MCPH1: variants seen among roughly 807,000 people sequenced by gnomAD.
The protein encoded by MCPH1 is microcephalin 1, also known as microcephalin.
Under a neutral mutation model 84.5 loss-of-function variants are expected in MCPH1, and 104 were observed. The ratio of observed to expected loss-of-function variants is 1.23; its 90% CI spans 1.05 to 1.45. The LOEUF (loss-of-function observed/expected upper bound fraction) is 1.45. MCPH1 is among the 40% of genes most tolerant of loss of function. The probability of loss-of-function intolerance (pLI) is 0.00; values close to 1 mark genes in which losing one functional copy is unlikely to be tolerated. For missense variants in MCPH1, 1,498 were observed against 1,005.7 expected, an observed-to-expected ratio of 1.49 and a Z score of -6.62; for synonymous variants, 514 against 366.8, an observed-to-expected ratio of 1.40 and a Z score of -4.58.
At chr8:6,509,469 GC>G (rs1288471218) in intron 12 of MCPH1, among the ~76,000 whole-genome samples, 1 of 152,180 alleles carries the variant, frequency 6.6e-6, no homozygotes, top group Non-Finnish European at 1.5e-5. Context: ...TCCGCAGGGG[GC>G]CCCGGGGGGG....
intron 11 of MCPH1, among the ~76,000 whole-genome samples, chr8:6,484,927 T>C (rs963997694): frequency 4.6e-5 from 7 of 152,258 alleles, no homozygotes; most frequent in African/African-American, 7.2e-5. Flanking sequence ...GGAATTGTGC[T>C]GTGTTGTTAG....
intron 9 of MCPH1, chr8:6,474,428 A>G (rs981089378): frequency 4.4e-6 from 1 of 226,978 alleles, no homozygotes; most frequent in South Asian, 8.8e-5. Context: ...AATACTACTA[A>G]GACTTTAACA....
chr8:6,478,195 C>T (rs1003937939), intron 10 of MCPH1, among the ~76,000 whole-genome samples: 1 of 152,172 alleles, frequency 6.6e-6, no homozygotes, highest in African/African-American at 2.4e-5. Flanking sequence ...TTTAAGACAT[C>T]CATCAAAACA....
Position 6,431,544 on chromosome 8 carries a change from A to C in MCPH1, c.279A>C (p.Ala93=). The change falls in exon 4 of 14, where the codon GCA becomes GCC. Residue 93 remains alanine (A), a synonymous_variant. Coordinates refer to ENST00000344683, the MANE Select transcript of MCPH1 (RefSeq NM_024596.5). ...GAHIDESLFP[A]ANMNEHLSSL... is the part of the protein sequence containing the mutation. ...ACATTGATGAATCATTGTTCCCTGC[A>C]GCTAATATGAATGAACACTTATCAA... The C allele has an allele frequency of 6.2e-7, 1 of 1,613,686 alleles. No individual in the cohort carries two copies. Among genetic ancestry groups the C allele is most frequent in the African/African-American group, 1.3e-5 (1 of 75,038 alleles).
At chr8:6,589,737 G>A (rs766878253) in intron 12 of MCPH1, among the ~76,000 whole-genome samples, 5 of 152,176 alleles carry the variant, frequency 3.3e-5, no homozygotes, top group Non-Finnish European at 7.3e-5. Flanking sequence ...CATGACACGT[G>A]CTGCAACCAA....
At chr8:6,450,204 C>T (rs1804939499) in intron 8 of MCPH1, among the ~76,000 whole-genome samples, 1 of 152,108 alleles carries the variant, frequency 6.6e-6, no homozygotes, top group Admixed American at 6.5e-5. Flanking sequence ...TACTCTTCTA[C>T]CTTCTATCTA....
At chr8:6,508,553 C>G (rs1814264084) in intron 12 of MCPH1, 1 of 342,718 alleles carries the variant, frequency 2.9e-6, no homozygotes, top group Non-Finnish European at 5.2e-6. Flanking sequence ...TTTCTATAAT[C>G]TATATTACTG....
At chr8:6,528,847 A>G (rs1007872394) in intron 12 of MCPH1, among the ~76,000 whole-genome samples, 1 of 152,202 alleles carries the variant, frequency 6.6e-6, no homozygotes, top group Non-Finnish European at 1.5e-5. Context: ...GGTTTCAGGG[A>G]TGGTCTTATC....
chr8:6,595,500 C>T (rs2922855), intron 12 of MCPH1, among the ~76,000 whole-genome samples: 53,220 of 152,100 alleles, frequency 0.35, 9,581 homozygotes, highest in East Asian at 0.5. Context: ...GCCTGATGGA[C>T]GGCTGAGCCA....
intron 3 of MCPH1, among the ~76,000 whole-genome samples, chr8:6,430,800 A>G (rs1801730145): frequency 6.6e-6 from 1 of 152,190 alleles, no homozygotes; most frequent in East Asian, 1.9e-4. Context: ...GAAATTTAAG[A>G]TTAATATTTC....
At chr8:6,508,562 T>TG (rs1814266110) in intron 12 of MCPH1, 1 of 398,928 alleles carries the variant, frequency 2.5e-6, no homozygotes, top group Non-Finnish European at 4.4e-6. Context: ...TCTATATTAC[T>TG]GTTGTGGTTG....
rs750937838 is a variant in MCPH1, at chr8:6,436,090, G to A, written c.364G>A (p.Glu122Lys). The change falls in exon 5 of 14, where the codon GAA becomes AAA. Residue 122 changes from glutamate to lysine, a missense_variant. Transcript: ENST00000344683. The part of the protein sequence containing the change: ...QPKDFNFKTP[E>K]NDKRFQKKFE... ...CAAAGATTTTAATTTTAAAACACCA[G>A]AAAATGATAAGAGATTTCAGAAGAA... 10 of 1,613,600 alleles carry A rather than the reference G, an allele frequency of 6.2e-6. No individual in the cohort carries two copies. In the South Asian group the frequency reaches 8.8e-5, roughly 14 times the overall value.
intron 12 of MCPH1, among the ~76,000 whole-genome samples, chr8:6,525,839 C>G (rs1161275803): frequency 1.3e-5 from 2 of 152,068 alleles, no homozygotes; most frequent in Non-Finnish European, 2.9e-5. Context: ...CTTATTCTTC[C>G]TACAGGCATA....
chr8:6,477,301 C>G, intron 9 of MCPH1: 1 of 392,696 alleles, frequency 2.5e-6, no homozygotes, highest in Non-Finnish European at 4.6e-6. Flanking sequence ...CGTTGACACA[C>G]TTGGAGGTCT....
chr8:6,592,295 G>A (rs1167813599), intron 12 of MCPH1, among the ~76,000 whole-genome samples: 2 of 151,956 alleles, frequency 1.3e-5, no homozygotes, highest in African/African-American at 2.4e-5. Context: ...GGGACTACAC[G>A]TGCGTGCCAC....
At chr8:6,579,944 G>A (rs895589526) in intron 12 of MCPH1, among the ~76,000 whole-genome samples, 5 of 152,114 alleles carry the variant, frequency 3.3e-5, no homozygotes, top group Admixed American at 6.5e-5. Flanking sequence ...GGGCCAGGAC[G>A]CTGCCACCAA....
Position 6,444,410 on chromosome 8 carries a change from G to A in MCPH1, c.688G>A (p.Gly230Ser). 6.2e-7 allele frequency: 1 copy of A among 1,614,094 alleles called. No homozygotes were observed. Among genetic ancestry groups the A allele is most frequent in the Non-Finnish European group, 8.5e-7 (1 of 1,180,016 alleles). ...TTTTCCAGATGAATACTTTGCTGGT[G>A]GCTTACACTCATCTTTTGATGATCT... The part of the protein sequence containing the change: ...TLCSDEYFAG[G>S]LHSSFDDLCG... Residue 230 changes from glycine (G) to serine (S), a missense_variant, in exon 8 of 14, where the codon GGC (glycine) becomes AGC (serine). Physicochemically the swap from Gly to Ser is moderately conservative, Grantham distance 56. Transcript: ENST00000344683.
At chr8:6,444,241 C>A in intron 7 of MCPH1, 152 bp from the exon 8 acceptor site, 1 of 852,400 alleles carries the variant, frequency 1.2e-6, no homozygotes, top group South Asian at 1.8e-5. Flanking sequence ...TAAAATGTAC[C>A]CTTAAGTGGA....
chr8:6,431,391 G>T lies in MCPH1; in HGVS notation c.234-108G>T. On this transcript the variant is annotated intron_variant, in intron 3 of 13. Transcript: ENST00000344683. ...TTATTTTTTAAAAGTCTGTTAAAATGACCTAGCTATGGATTTCTTAAATTG... is the reference window on the plus strand; with the variant it reads ...TTATTTTTTAAAAGTCTGTTAAAATTACCTAGCTATGGATTTCTTAAATTG... The T allele has an allele frequency of 7.5e-6, 6 of 804,252 alleles. No homozygotes were observed. The South Asian group carries it at 8.0e-5, about 11-fold the overall frequency. 49.8% of individuals were successfully genotyped at this position (804,252 alleles called of 1,614,324 possible).
Sources: allele counts gnomAD v4.1 joint callset (sites outside exome capture counted in the v4.1 genomes callset), GRCh38; gene constraint gnomAD v4.1.1; transcripts MANE v1.5; gene names NCBI Gene and HGNC (gene_info 2026-07-23, HGNC 2026-07-21).